Variants in VEGFB observed in about 807,000 individuals in gnomAD.
VEGFB encodes the protein VEGF-related factor.
A neutral mutation model predicts 22.5 loss-of-function variants in VEGFB; 24 were observed. The observed-to-expected ratio is 1.07, with a 90% CI of 0.77 to 1.50. The LOEUF (loss-of-function observed/expected upper bound fraction) is 1.50. Ranked by LOEUF, VEGFB falls within the 40% of genes most tolerant of loss-of-function variation. The pLI is 0.00. For synonymous variants in VEGFB, 141 were observed against 117.4 expected (o/e 1.20, Z -1.30); for missense variants, 327 against 287.8 (o/e 1.14, Z -0.99).
At position 64,237,197 on chromosome 11, in the gene VEGFB, A is replaced by T. The variant is rs765659282; in HGVS notation, c.385A>T (p.Lys129Ter). 1 of 1,606,418 alleles carries T rather than the reference A, an allele frequency of 6.2e-7. No homozygotes were observed. Among genetic ancestry groups the T allele is most frequent in the African/African-American group, 1.3e-5 (1 of 74,768 alleles). Residue 129 changes from lysine (K) to a stop codon, truncating the protein, a stop_gained, in exon 5 of 7, where the codon AAG becomes TAG. Transcript: ENST00000309422. LOFTEE classifies it high-confidence loss of function. ...TATCTTACTTTTCAGACCTAAAAAA[A>T]AGGACAGTGCTGTGAAGCCAGACAG... ...HSQCECRPKK[K>*]DSAVKPDRAA... is the part of the protein sequence containing the mutation.
intron 2 of VEGFB, 115 bp downstream of exon 2, chr11:64,235,615 A>C (rs977732343): frequency 7.6e-7 from 1 of 1,308,086 alleles, no homozygotes; most frequent in African/African-American, 1.5e-5. Flanking sequence ...CTATTATTCT[A>C]CCCATTTCAC....
At position 64,235,460 on chromosome 11, in the gene VEGFB, C is replaced by T. The variant is rs1308230874; in HGVS notation, c.63C>T (p.Ala21=). The T allele has an allele frequency of 2.5e-6, 4 of 1,613,842 alleles. No homozygotes were observed. Among genetic ancestry groups the T allele is most frequent in the Admixed American group, 1.7e-5 (1 of 60,018 alleles). The change falls in exon 2 of 7, where the codon GCC becomes GCT. Residue 21 remains alanine (A), a splice_region_variant and synonymous_variant. Coordinates refer to ENST00000309422, the MANE Select transcript of VEGFB (RefSeq NM_003377.5). ...AALLQLAPAQ[A]PVSQPDAPGH... ...TACAGGTCTTTTCTCTCCCACAGGC[C>T]CCTGTCTCCCAGCCTGATGCCCCTG...
intron 4 of VEGFB, among the ~76,000 whole-genome samples, chr11:64,236,709 T>C (rs2030055541): frequency 1.0e-5 from 1 of 98,986 alleles, no homozygotes; most frequent in African/African-American, 4.1e-5. Flanking sequence ...AGAGCAAGAC[T>C]CTGCCACAAA....
Position 64,236,283 on chromosome 11 carries a change from G to A in VEGFB, c.330G>A (p.Gln110=), listed in dbSNP as rs1261395842. 1.9e-6 allele frequency: 3 copies of A among 1,613,872 alleles called. No individual in the cohort carries two copies. The African/African-American group carries it at 4.0e-5, about 22-fold the overall frequency. The change falls in exon 4 of 7, where the codon CAG becomes CAA. Residue 110 remains glutamine, a synonymous_variant. Coordinates refer to ENST00000309422, the MANE Select transcript of VEGFB (RefSeq NM_003377.5). Reference sequence around the variant, plus strand: ...TCATGATCCGGTACCCGAGCAGTCAGCTGGGGGAGATGTCCCTGGAAGAAC... The same window carrying A: ...TCATGATCCGGTACCCGAGCAGTCAACTGGGGGAGATGTCCCTGGAAGAAC... ...QILMIRYPSS[Q]LGEMSLEEHS...
At chr11:64,235,355 G>C (rs935700121) in intron 1 of VEGFB, 103 bp from the exon 2 acceptor site, 2 of 1,062,240 alleles carry the variant, frequency 1.9e-6, no homozygotes, top group African/African-American at 3.2e-5. Flanking sequence ...AGATGTCAGA[G>C]AGGTGGTGAA....
intron 1 of VEGFB, among the ~76,000 whole-genome samples, 196 bp from the exon 2 acceptor site, chr11:64,235,262 T>A (rs1212902805): frequency 2.6e-5 from 4 of 152,036 alleles, no homozygotes; most frequent in Admixed American, 2.6e-4. Flanking sequence ...ACCTGTTGCG[T>A]TTTGGGCCAG....
chr11:64,237,127 G>GAGAGAGAGAGAGATATATATATATAT, intron 4 of VEGFB, 60 bp from the exon 5 acceptor site: 2 of 813,208 alleles, frequency 2.5e-6, no homozygotes, highest in East Asian at 3.2e-5. Context: ...GAGAGAGTAG[G>GAGAGAGAGAGAGATATATATATATAT]ATGCTGGGAT....
intron 4 of VEGFB, 64 bp downstream of exon 4, chr11:64,236,391 G>C: frequency 6.5e-7 from 1 of 1,530,560 alleles, no homozygotes. Flanking sequence ...GGGTATGGTG[G>C]TCCACAGAAC....
rs1947227139 is a variant in VEGFB at position 64,234,712 on chromosome 11, C to A, written c.-122C>A. Reference sequence around the variant, plus strand: ...GAGGGGGCCGCGGAGGAGTCGCCCCCCGCGCCCGGCCCCCGCCCGCCGCGC... The same window carrying A: ...GAGGGGGCCGCGGAGGAGTCGCCCCACGCGCCCGGCCCCCGCCCGCCGCGC... On this transcript the variant is annotated 5_prime_UTR_variant, in exon 1 of 7. Coordinates refer to ENST00000309422, the MANE Select transcript of VEGFB (RefSeq NM_003377.5). This position sits in a 1 kb window ranked among gnomAD's most constrained non-coding sequence, Gnocchi z 5.3. 1 of 193,974 alleles carries A rather than the reference C, an allele frequency of 5.2e-6. No homozygotes were observed. Among genetic ancestry groups the A allele is most frequent in the South Asian group, 1.6e-4 (1 of 6,342 alleles). The allele number at this position is 193,974 out of a possible 1,614,324, so 12.0% of individuals were successfully genotyped here.
At chr11:64,236,466 A>C (rs1277202561) in intron 4 of VEGFB, 139 bp downstream of exon 4, 1 of 776,368 alleles carries the variant, frequency 1.3e-6, no homozygotes, top group East Asian at 2.7e-5. Flanking sequence ...CTGTAATCCC[A>C]GCACTTTGGG....
chr11:64,235,930 CTG>C lies in VEGFB; in HGVS notation c.224_225del (p.Val75AlafsTer9). On this transcript the variant is annotated frameshift_variant, in exon 3 of 7. Transcript: ENST00000309422. LOFTEE classifies it high-confidence loss of function. ...AAACAGCTGGTGCCCAGCTGCGTGA[CTG>C]TGCAGCGCTGTGGTGGCTGCTGCCC... is the stretch of plus-strand genomic sequence containing the variant. 1 of 1,613,262 alleles carries C rather than the reference CTG, an allele frequency of 6.2e-7. No individual in the cohort carries two copies. The highest frequency in any genetic ancestry group is 8.5e-7 in the Non-Finnish European group (1 of 1,179,890).
intron 4 of VEGFB, among the ~76,000 whole-genome samples, chr11:64,236,678 C>G (rs540590494): frequency 4.1e-4 from 53 of 129,938 alleles, no homozygotes; most frequent in African/African-American, 1.5e-3. Flanking sequence ...GATCGTGCCA[C>G]TGCATTCCAG....
rs780668545 is a variant in VEGFB, at chr11:64,234,913, GCGCCCGCC to G, written c.60+29_60+36del. 1.6e-6 allele frequency: 2 copies of G among 1,268,296 alleles called. No homozygotes were observed. The highest frequency in any genetic ancestry group is 4.0e-5 in the Admixed American group (1 of 25,076). The allele number at this position is 1,268,296 out of a possible 1,614,324, so 78.6% of individuals were successfully genotyped here. Reference sequence around the variant, plus strand: ...GCCCAGGTACGTGCGGCCCGACAGCGCGCCCGCCCGCCCGCCGTGCCCTCTCTCAAGGT... The same window carrying G: ...GCCCAGGTACGTGCGGCCCGACAGCGCGCCCGCCGTGCCCTCTCTCAAGGT... On this transcript the variant is annotated intron_variant, in intron 1 of 6. Transcript: ENST00000309422. This position sits in a 1 kb window ranked among gnomAD's most constrained non-coding sequence, Gnocchi z 5.3.
At chr11:64,236,380 T>G (rs1434957314) in intron 4 of VEGFB, 53 bp downstream of exon 4, 1 of 1,560,388 alleles carries the variant, frequency 6.4e-7, no homozygotes, top group Non-Finnish European at 8.8e-7. Context: ...TGGGGGGTGC[T>G]GGGTATGGTG....
Position 64,234,995 on chromosome 11 carries a change from G to A in VEGFB, c.60+102G>A. The A allele has an allele frequency of 9.7e-7, 1 of 1,031,146 alleles. No homozygotes were observed. The highest frequency in any genetic ancestry group is 1.2e-6 in the Non-Finnish European group (1 of 807,844). The allele number at this position is 1,031,146 out of a possible 1,614,324, so 63.9% of individuals were successfully genotyped here. A position where few individuals can be genotyped will look rare whatever the true frequency, so the allele number is the denominator to read the frequency against. On this transcript the variant is annotated intron_variant, in intron 1 of 6. Transcript: ENST00000309422. This position sits in a 1 kb window ranked among gnomAD's most constrained non-coding sequence, Gnocchi z 5.3. ...GCGGCCTCGGCCGAGGGGATCTGCG[G>A]GGTCCGGCCTTGGACGCGGGCGTCT... is the stretch of plus-strand genomic sequence containing the variant.
At chr11:64,236,391 G>A in intron 4 of VEGFB, 64 bp downstream of exon 4, 16 of 1,530,560 alleles carry the variant, frequency 1.0e-5, no homozygotes, top group Non-Finnish European at 1.4e-5. Flanking sequence ...GGGTATGGTG[G>A]TCCACAGAAC....
At position 64,236,800 on chromosome 11, in the gene VEGFB, C is replaced by T. The variant is rs1018411588; in HGVS notation, c.375-387C>T. ...GGGCAACAAAGTAGGATGCTTGGGC[C>T]GGGGGTAGTGGCTCACACCTATAAT... On this transcript the variant is annotated intron_variant, in intron 4 of 6. Coordinates refer to ENST00000309422, the MANE Select transcript of VEGFB (RefSeq NM_003377.5). Among the ~76,000 whole-genome samples the T allele has an allele frequency of 3.2e-4, 47 of 145,850 alleles. 2 individuals carry two copies. Among genetic ancestry groups the T allele is most frequent in the Admixed American group, 4.8e-4 (7 of 14,586 alleles).
intron 1 of VEGFB, 55 bp from the exon 2 acceptor site, chr11:64,235,403 C>A: frequency 6.4e-7 from 1 of 1,557,466 alleles, no homozygotes; most frequent in African/African-American, 1.4e-5. Context: ...GGGACGGTGA[C>A]AGGGCCACAC....
intron 4 of VEGFB, 85 bp downstream of exon 4, chr11:64,236,412 G>C: frequency 7.3e-7 from 1 of 1,367,558 alleles, no homozygotes; most frequent in African/African-American, 1.4e-5. Flanking sequence ...TGGGGACCAG[G>C]TTCCTAAGAG....
Sources: allele counts gnomAD v4.1 joint callset (sites outside exome capture counted in the v4.1 genomes callset), GRCh38; gene constraint gnomAD v4.1.1; non-coding constraint Gnocchi (gnomAD v3.1); transcripts MANE v1.5; gene names NCBI Gene and HGNC (gene_info 2026-07-23, HGNC 2026-07-21).